The following PLXDC1 variants were observed in gnomAD, a reference collection of about 807,000 sequenced individuals.
PLXDC1 encodes plexin domain containing 1.
In PLXDC1, 39 loss-of-function variants were observed where a neutral mutation model predicts 61.3. The ratio of observed to expected loss-of-function variants is 0.64; its 90% CI spans 0.49 to 0.83. The LOEUF is 0.83. PLXDC1 is among the 40% of genes least tolerant of loss of function. The pLI is 0.00. For synonymous variants in PLXDC1, 212 were observed against 254.5 expected, an observed-to-expected ratio of 0.83 and a Z score of 1.59; for missense variants, 596 against 666.5, an observed-to-expected ratio of 0.89 and a Z score of 1.17.
At chr17:39,126,888 T>C (rs998081246) in intron 2 of PLXDC1, 1 of 152,198 alleles carries the variant, frequency 6.6e-6, no homozygotes, top group African/African-American at 2.4e-5. Flanking sequence ...ACGATGTCAT[T>C]GGAGGACCTA....
intron 13 of PLXDC1, among the ~76,000 whole-genome samples, chr17:39,069,497 G>T (rs531621740): frequency 6.6e-6 from 1 of 152,240 alleles, no homozygotes. Context: ...CCTGGCATTT[G>T]GGCATGAGAG....
chr17:39,090,492 C>T lies in PLXDC1; in HGVS notation c.812-2790G>A, dbSNP rs369778648. On this transcript the variant is annotated intron_variant, in intron 7 of 13. Transcript: ENST00000315392. ...GCATGGAGGAAAAGAAGCTCGGCCC[C>T]CGGAGGGTGACCACACAAGGAGAGG... is the stretch of plus-strand genomic sequence containing the variant. 1.7e-3 allele frequency among the ~76,000 whole-genome samples: 254 copies of T among 152,290 alleles called. 9 individuals are homozygous for T. The South Asian group carries it at 0.051, about 31-fold the overall frequency.
chr17:39,079,711 C>T, intron 9 of PLXDC1: 6 of 368,592 alleles, frequency 1.6e-5, no homozygotes, highest in Non-Finnish European at 3.2e-5. Flanking sequence ...CACCAAGCGC[C>T]CCTGTAGGGA....
At chr17:39,124,333 C>T (rs931807607) in intron 2 of PLXDC1, among the ~76,000 whole-genome samples, 10 of 152,248 alleles carry the variant, frequency 6.6e-5, no homozygotes, top group African/African-American at 2.4e-4. Context: ...TGGCTCACGC[C>T]TGTAATCCCA....
intron 2 of PLXDC1, among the ~76,000 whole-genome samples, chr17:39,128,127 G>GTATATA (rs1567769612): frequency 1.8e-5 from 1 of 56,196 alleles, no homozygotes; most frequent in African/African-American, 7.6e-5. Context: ...ATATATATAT[G>GTATATA]TGTATATATA....
At chr17:39,146,579 A>C (rs1018288035) in intron 1 of PLXDC1, among the ~76,000 whole-genome samples, 5 of 151,998 alleles carry the variant, frequency 3.3e-5, no homozygotes, top group Non-Finnish European at 7.4e-5. Flanking sequence ...TGGAAGGCCA[A>C]GACAGGAGGA....
In PLXDC1 at chr17:39,101,998, A is replaced by G. The variant is rs181960701; in HGVS notation, c.811+3856T>C. On this transcript the variant is annotated intron_variant, in intron 7 of 13. Transcript: ENST00000315392. ...AGGGAGGTTGTAGGAAGGTGGAGGA[A>G]GAAGAAGCTGGTGAATTTCTGAAGA... Among the ~76,000 whole-genome samples, 154 of 152,294 alleles carry G rather than the reference A, an allele frequency of 1.0e-3. 1 individual carries two copies. The highest frequency in any genetic ancestry group is 3.7e-3 in the African/African-American group (152 of 41,566).
chr17:39,140,803 G>T (rs1446972529), intron 1 of PLXDC1, among the ~76,000 whole-genome samples: 1 of 152,096 alleles, frequency 6.6e-6, no homozygotes. Context: ...TCTCAACCTC[G>T]GTACTATTGA....
intron 2 of PLXDC1, among the ~76,000 whole-genome samples, chr17:39,136,158 A>G (rs887902580): frequency 6.6e-6 from 1 of 152,072 alleles, no homozygotes; most frequent in Non-Finnish European, 1.5e-5. Context: ...CCATCTCACC[A>G]TGGCAGTCCT....
At chr17:39,149,723 C>T (rs1679652715) in intron 1 of PLXDC1, among the ~76,000 whole-genome samples, 1 of 152,116 alleles carries the variant, frequency 6.6e-6, no homozygotes, top group Admixed American at 6.5e-5. Flanking sequence ...CCGGGTCTGG[C>T]CACTATCTCC....
chr17:39,134,807 G>A (rs750604170), intron 2 of PLXDC1, among the ~76,000 whole-genome samples: 1 of 152,006 alleles, frequency 6.6e-6, no homozygotes, highest in Non-Finnish European at 1.5e-5. Context: ...GCTTGTGTCT[G>A]GGAAACCACT....
intron 11 of PLXDC1, among the ~76,000 whole-genome samples, chr17:39,077,590 G>A (rs186894194): frequency 6.6e-6 from 1 of 152,314 alleles, no homozygotes; most frequent in African/African-American, 2.4e-5. Flanking sequence ...ATTAAGATTA[G>A]CTGAGATAAG....
intron 7 of PLXDC1, among the ~76,000 whole-genome samples, chr17:39,099,125 C>T (rs2143598867): frequency 6.6e-6 from 1 of 152,232 alleles, no homozygotes; most frequent in Admixed American, 6.5e-5. Context: ...CCTCAGCACA[C>T]AGCACCTGGA....
rs562638138 is a variant in PLXDC1 at position 39,068,029 on chromosome 17, G to A, written c.1384-70C>T. On this transcript the variant is annotated intron_variant, in intron 13 of 13. Coordinates refer to ENST00000315392, the MANE Select transcript of PLXDC1 (RefSeq NM_020405.5). ...CCATGGGGACCCCACACTCCTGAGC[G>A]ACAGAGCCAACCAAGACTGTCTCTT... 2,328 of 1,516,976 alleles carry A rather than the reference G, an allele frequency of 1.5e-3. 11 individuals are homozygous for A. The highest frequency in any genetic ancestry group is 1.6e-3 in the Non-Finnish European group (1,728 of 1,102,858). The allele number at this position is 1,516,976 out of a possible 1,614,324, so 94.0% of individuals were successfully genotyped here. A position where few individuals can be genotyped will look rare whatever the true frequency, so the allele number is the denominator to read the frequency against.
intron 7 of PLXDC1, among the ~76,000 whole-genome samples, chr17:39,105,354 G>A (rs1439257706): frequency 1.3e-5 from 2 of 152,174 alleles, no homozygotes; most frequent in African/African-American, 4.8e-5. Flanking sequence ...GGCCTGGGAG[G>A]GAGAAGCACT....
chr17:39,135,221 C>T (rs906434989), intron 2 of PLXDC1, among the ~76,000 whole-genome samples: 5 of 152,224 alleles, frequency 3.3e-5, no homozygotes, highest in African/African-American at 1.2e-4. Flanking sequence ...GGGACAAGCC[C>T]TATGGCTGTC....
intron 8 of PLXDC1, among the ~76,000 whole-genome samples, chr17:39,085,427 A>G (rs1672353130): frequency 6.6e-6 from 1 of 152,236 alleles, no homozygotes. Context: ...TGCCTGGCAC[A>G]TGGTATGTCG....
chr17:39,109,146 G>C, intron 3 of PLXDC1, 102 bp downstream of exon 3: 1 of 1,469,730 alleles, frequency 6.8e-7, no homozygotes, highest in Non-Finnish European at 9.2e-7. Context: ...TACCTCCCAG[G>C]TCACAGACCT....
chr17:39,145,124 C>T (rs1486875518), intron 1 of PLXDC1, among the ~76,000 whole-genome samples: 1 of 152,066 alleles, frequency 6.6e-6, no homozygotes, highest in Non-Finnish European at 1.5e-5. Context: ...AAAAAGTGAC[C>T]GACAATCCCC....
Sources: allele counts gnomAD v4.1 joint callset (sites outside exome capture counted in the v4.1 genomes callset), GRCh38; gene constraint gnomAD v4.1.1; transcripts MANE v1.5; gene names NCBI Gene and HGNC (gene_info 2026-07-23, HGNC 2026-07-21).